Variants in FAM174A observed in about 807,000 individuals in gnomAD.
FAM174A encodes membrane protein FAM174A.
A neutral mutation model predicts 14.3 loss-of-function variants in FAM174A; 14 were observed. That is an observed-to-expected ratio of 0.98 (90% CI 0.65 to 1.53). The LOEUF (loss-of-function observed/expected upper bound fraction) is 1.53, where lower values mean the gene tolerates loss of function less well. Among genes scored for constraint, FAM174A ranks in the 40% most tolerant of loss-of-function variants. FAM174A has a pLI of 0.00. For synonymous variants in FAM174A, 108 were observed against 111.4 expected, an observed-to-expected ratio of 0.97 and a Z score of 0.19; for missense variants, 241 against 249.6, an observed-to-expected ratio of 0.97 and a Z score of 0.23.
intron 1 of FAM174A, among the ~76,000 whole-genome samples, chr5:100,560,700 C>T (rs1580371155): frequency 6.6e-6 from 1 of 152,174 alleles, no homozygotes; most frequent in Admixed American, 6.6e-5. Flanking sequence ...TCTCATGTTG[C>T]TCTTTACAGT....
intron 1 of FAM174A, among the ~76,000 whole-genome samples, chr5:100,559,070 TG>T (rs1384354596): frequency 2.6e-5 from 4 of 152,206 alleles, no homozygotes; most frequent in Non-Finnish European, 5.9e-5. Context: ...TTGCAGGGGC[TG>T]GTACCAATTG....
At chr5:100,547,549 T>A (rs543538577) in intron 1 of FAM174A, among the ~76,000 whole-genome samples, 5 of 152,104 alleles carry the variant, frequency 3.3e-5, no homozygotes, top group Non-Finnish European at 7.4e-5. Context: ...AAAACAAGTA[T>A]AAAATGAAGC....
chr5:100,569,722 A>G (rs1044629232), intron 2 of FAM174A, among the ~76,000 whole-genome samples: 139 of 152,038 alleles, frequency 9.1e-4, no homozygotes, highest in Non-Finnish European at 1.2e-4. Flanking sequence ...ATTAACTACC[A>G]TGTGCCCCAG....
At chr5:100,559,599 G>C (rs914157251) in intron 1 of FAM174A, among the ~76,000 whole-genome samples, 1 of 152,008 alleles carries the variant, frequency 6.6e-6, no homozygotes, top group East Asian at 1.9e-4. Flanking sequence ...CAGACGTAGA[G>C]TTGGTCTTTT....
chr5:100,559,436 G>A (rs1335601606), intron 1 of FAM174A, among the ~76,000 whole-genome samples: 3 of 151,968 alleles, frequency 2.0e-5, no homozygotes, highest in African/African-American at 7.3e-5. Flanking sequence ...TCTTCTCGAG[G>A]AGTATCTTTG....
At chr5:100,535,991 C>G (rs1260468162) in intron 1 of FAM174A, 27 bp downstream of exon 1, 1 of 1,532,592 alleles carries the variant, frequency 6.5e-7, no homozygotes, top group African/African-American at 1.4e-5. Context: ...GTGGGGCACC[C>G]CCGTGGGCCT....
chr5:100,557,613 G>C (rs1746421522), intron 1 of FAM174A, among the ~76,000 whole-genome samples: 1 of 152,132 alleles, frequency 6.6e-6, no homozygotes, highest in Non-Finnish European at 1.5e-5. Flanking sequence ...CTCAATTTCA[G>C]AGCCTGTTAT....
rs539751049 is a variant in FAM174A at position 100,536,955 on chromosome 5, A to G, written c.434+991A>G. Among the ~76,000 whole-genome samples the G allele has an allele frequency of 8.5e-5, 13 of 152,324 alleles. No homozygotes were observed. The East Asian group carries it at 2.5e-3, about 29-fold the overall frequency. On this transcript the variant is annotated intron_variant, in intron 1 of 2. Coordinates refer to ENST00000312637, the MANE Select transcript of FAM174A (RefSeq NM_198507.3). ...GTGGGAGTTTCACTTAGACCTCTTC[A>G]GGGCATCTACAGTATTAAAACTATT...
chr5:100,559,678 G>A (rs1427612831), intron 1 of FAM174A, among the ~76,000 whole-genome samples: 1 of 151,756 alleles, frequency 6.6e-6, no homozygotes, highest in Non-Finnish European at 1.5e-5. Context: ...AAATTCTCTT[G>A]TCACTTCATG....
chr5:100,538,972 A>G (rs1235211505), intron 1 of FAM174A, among the ~76,000 whole-genome samples: 1 of 152,136 alleles, frequency 6.6e-6, no homozygotes, highest in Non-Finnish European at 1.5e-5. Flanking sequence ...TCTTGCCTTA[A>G]AAGCAGGGAA....
At chr5:100,585,977 A>C (rs1390226435) in intron 2 of FAM174A, among the ~76,000 whole-genome samples, 1 of 152,334 alleles carries the variant, frequency 6.6e-6, no homozygotes, top group East Asian at 1.9e-4. Flanking sequence ...TCCTTTAAAT[A>C]GTTAGAATTT....
At chr5:100,544,035 C>T (rs974838533) in intron 1 of FAM174A, among the ~76,000 whole-genome samples, 7 of 151,968 alleles carry the variant, frequency 4.6e-5, no homozygotes, top group East Asian at 3.9e-4. Flanking sequence ...TAGATTTTCA[C>T]GTTTTCTGAA....
rs181622405 is a variant in FAM174A at position 100,569,732 on chromosome 5, G to C, written c.569+7544G>C. Among the ~76,000 whole-genome samples, 976 of 151,948 alleles carry C rather than the reference G, an allele frequency of 6.4e-3. 29 individuals are homozygous for C. The highest frequency in any genetic ancestry group is 2.2e-3 in the Non-Finnish European group (152 of 67,874). ...CACTGATTAACTACCATGTGCCCCA[G>C]GCACTCTACTAAGCTCTGGGGATGT... On this transcript the variant is annotated intron_variant, in intron 2 of 2. Transcript: ENST00000312637.
intron 1 of FAM174A, among the ~76,000 whole-genome samples, chr5:100,558,351 C>G (rs951539509): frequency 7.2e-5 from 11 of 152,114 alleles, no homozygotes; most frequent in African/African-American, 2.4e-4. Context: ...GAGTGCTTTA[C>G]TTCCAACTAT....
chr5:100,562,985 C>T (rs55895019), intron 2 of FAM174A, among the ~76,000 whole-genome samples: 34,581 of 151,376 alleles, frequency 0.23, 4,230 homozygotes, highest in Admixed American at 0.34. Context: ...GGTACAAATG[C>T]AAAGAAAACA....
At chr5:100,576,668 C>G (rs544638939) in intron 2 of FAM174A, among the ~76,000 whole-genome samples, 1 of 152,062 alleles carries the variant, frequency 6.6e-6, no homozygotes, top group East Asian at 1.9e-4. Context: ...ACCGTTCCAC[C>G]AACTGTGTCT....
intron 1 of FAM174A, among the ~76,000 whole-genome samples, chr5:100,546,102 A>G (rs1339884491): frequency 6.6e-6 from 1 of 152,224 alleles, no homozygotes; most frequent in Non-Finnish European, 1.5e-5. Flanking sequence ...TTAATACAAT[A>G]AAATTCTATT....
chr5:100,550,742 G>C (rs1182575946), intron 1 of FAM174A, among the ~76,000 whole-genome samples: 3 of 152,164 alleles, frequency 2.0e-5, no homozygotes, highest in Non-Finnish European at 2.9e-5. Flanking sequence ...ACAGAAAAGG[G>C]TTTCCTGAGG....
intron 1 of FAM174A, among the ~76,000 whole-genome samples, chr5:100,541,082 T>C (rs1746040857): frequency 6.6e-6 from 1 of 152,204 alleles, no homozygotes; most frequent in South Asian, 2.1e-4. Flanking sequence ...TGACAAGTTA[T>C]CATATGGGCC....
Sources: allele counts gnomAD v4.1 joint callset (sites outside exome capture counted in the v4.1 genomes callset), GRCh38; gene constraint gnomAD v4.1.1; transcripts MANE v1.5; gene names NCBI Gene and HGNC (gene_info 2026-07-23, HGNC 2026-07-21).